Variants in PFKFB4 observed in about 807,000 individuals in gnomAD.
PFKFB4 encodes the protein 6-phosphofructo-2-kinase/fructose-2,6-biphosphatase 4, also known as 6-phosphofructo-2-kinase/fructose-2,6-bisphosphatase 4.
A neutral mutation model predicts 62.8 loss-of-function variants in PFKFB4; 42 were observed. That is an observed-to-expected ratio of 0.67 (90% CI 0.52 to 0.86). The LOEUF is 0.86. PFKFB4 is among the 40% of genes least tolerant of loss of function. The probability of loss-of-function intolerance (pLI) is 0.00; values close to 1 mark genes in which losing one functional copy is unlikely to be tolerated. For missense variants in PFKFB4, 475 were observed against 627.2 expected (o/e 0.76, Z 2.59); for synonymous variants, 204 against 240.7 (o/e 0.85, Z 1.41).
upstream of PFKFB4, chr3:48,557,032 G>C: frequency 8.1e-7 from 1 of 1,234,308 alleles, no homozygotes; most frequent in Non-Finnish European, 1.1e-6. Context: ...GGCCAGGATC[G>C]AGAATGCGCA....
intron 1 of PFKFB4, among the ~76,000 whole-genome samples, chr3:48,551,218 T>C (rs895296588): frequency 4.7e-5 from 7 of 149,676 alleles, no homozygotes; most frequent in African/African-American, 7.3e-5. Flanking sequence ...ACTTTTCTTT[T>C]TTTTTTTTTT....
rs3969942 is a variant in PFKFB4, at chr3:48,518,219, G to A, written c.*1528C>T. 11,048 of 152,456 alleles carry A rather than the reference G, an allele frequency of 0.072. 695 individuals are homozygous for A. Among genetic ancestry groups the A allele is most frequent in the African/African-American group, 0.16 (6,733 of 41,568 alleles). 9.4% of individuals were successfully genotyped at this position (152,456 alleles called of 1,614,324 possible). On this transcript the variant is annotated 3_prime_UTR_variant, in exon 14 of 14. Transcript: ENST00000232375. ...GATGAGTCTGGAAGGATCTTGCCCC[G>A]GCTCCGCCTTGGACATCTCTTAGCA...
chr3:48,528,764 T>A (rs1182441113), intron 9 of PFKFB4, among the ~76,000 whole-genome samples: 1 of 152,198 alleles, frequency 6.6e-6, no homozygotes, highest in African/African-American at 2.4e-5. Flanking sequence ...AACTGATGAA[T>A]GGATACATAA....
chr3:48,528,487 C>A (rs1326093470), intron 9 of PFKFB4, among the ~76,000 whole-genome samples: 1 of 152,028 alleles, frequency 6.6e-6, no homozygotes, highest in Admixed American at 6.6e-5. Context: ...CATGATGAAA[C>A]CCCATCTCTA....
At chr3:48,534,054 C>T (rs2042515285) in intron 9 of PFKFB4, among the ~76,000 whole-genome samples, 1 of 152,122 alleles carries the variant, frequency 6.6e-6, no homozygotes, top group Admixed American at 6.5e-5. Flanking sequence ...AATGAAATTC[C>T]TGGAGCTTCA....
chr3:48,536,980 G>T (rs2042641049), intron 7 of PFKFB4, among the ~76,000 whole-genome samples: 1 of 152,200 alleles, frequency 6.6e-6, no homozygotes, highest in Admixed American at 6.5e-5. Context: ...GGTCATCCAA[G>T]TGTGCTGAGC....
chr3:48,536,648 A>G, intron 7 of PFKFB4, 185 bp from the exon 8 acceptor site: 1 of 579,660 alleles, frequency 1.7e-6, no homozygotes, highest in East Asian at 2.8e-5. Flanking sequence ...AGTGCGTGTG[A>G]CGCACAGGCA....
intron 3 of PFKFB4, among the ~76,000 whole-genome samples, chr3:48,546,958 G>C (rs577714086): frequency 6.6e-6 from 1 of 152,176 alleles, no homozygotes; most frequent in African/African-American, 2.4e-5. Context: ...CTTGATGCTC[G>C]CTCCTGGTTT....
At chr3:48,535,483 G>A in intron 9 of PFKFB4, 29 bp downstream of exon 9, 3 of 1,586,272 alleles carry the variant, frequency 1.9e-6, no homozygotes, top group Non-Finnish European at 2.6e-6. Context: ...TATCTGGGAG[G>A]TAGACAGGGA....
At chr3:48,561,228 C>T, upstream of PFKFB4, 2 of 466,880 alleles carry the variant, frequency 4.3e-6, no homozygotes, top group South Asian at 2.1e-5. The surrounding 1 kb of genome is among the most constrained non-coding windows in gnomAD (Gnocchi z 5.2). Flanking sequence ...AGCCCCGCCT[C>T]CCCAGCCCAC....
At chr3:48,558,302 C>A (rs1402831324), upstream of PFKFB4, among the ~76,000 whole-genome samples, 1 of 152,174 alleles carries the variant, frequency 6.6e-6, no homozygotes, top group Non-Finnish European at 1.5e-5. Flanking sequence ...CTGCCCCAGC[C>A]CCCACCAACA....
At chr3:48,558,904 C>T (rs149984603), upstream of PFKFB4, among the ~76,000 whole-genome samples, 34 of 152,318 alleles carry the variant, frequency 2.2e-4, no homozygotes, top group African/African-American at 7.9e-4. Context: ...CTGCCAAGGC[C>T]ATCTTGGGGC....
In PFKFB4 at chr3:48,556,577, C is replaced by T; in HGVS notation, c.97+104G>A. ...CGGCAACCTCACCTGTCCCCGGTTC[C>T]CCATCTGTCTCCCGCCCCTTCTCCA... On this transcript the variant is annotated intron_variant, in intron 1 of 13. Coordinates refer to ENST00000232375, the MANE Select transcript of PFKFB4 (RefSeq NM_004567.4). This position sits in a 1 kb window ranked among gnomAD's most constrained non-coding sequence, Gnocchi z 5.7. 1.5e-6 allele frequency: 2 copies of T among 1,336,306 alleles called. No individual in the cohort carries two copies. The highest frequency in any genetic ancestry group is 2.0e-6 in the Non-Finnish European group (2 of 986,308). The allele number at this position is 1,336,306 out of a possible 1,614,324, so 82.8% of individuals were successfully genotyped here. A position where few individuals can be genotyped will look rare whatever the true frequency, so the allele number is the denominator to read the frequency against.
At chr3:48,560,036 C>T (rs939921765), upstream of PFKFB4, among the ~76,000 whole-genome samples, 5 of 152,086 alleles carry the variant, frequency 3.3e-5, no homozygotes, top group African/African-American at 9.7e-5. Flanking sequence ...GCGATCCTCC[C>T]GCCTCAACCT....
Position 48,521,161 on chromosome 3 carries a change from G to A in PFKFB4, c.1350+825C>T, listed in dbSNP as rs1334110303. Among the ~76,000 whole-genome samples, 2 of 152,212 alleles carry A rather than the reference G, an allele frequency of 1.3e-5. No homozygotes were observed. Among genetic ancestry groups the A allele is most frequent in the South Asian group, 2.1e-4 (1 of 4,834 alleles). On this transcript the variant is annotated intron_variant, in intron 13 of 13. Coordinates refer to ENST00000232375, the MANE Select transcript of PFKFB4 (RefSeq NM_004567.4). The surrounding 1 kb of genome is among the most constrained non-coding windows in gnomAD (Gnocchi z 5.3). ...CAGATGTCCTGGTCCAGCCCAAGAC[G>A]TGCATCCTCAGCAGGGACCCAGAGC...
At chr3:48,522,547 G>A (rs2042128727) in intron 12 of PFKFB4, among the ~76,000 whole-genome samples, 1 of 152,196 alleles carries the variant, frequency 6.6e-6, no homozygotes, top group Non-Finnish European at 1.5e-5. Context: ...AGACCTGAGA[G>A]ATGAAGAAGT....
intron 5 of PFKFB4, 96 bp downstream of exon 5, chr3:48,539,601 C>T: frequency 9.6e-7 from 1 of 1,040,486 alleles, no homozygotes; most frequent in Non-Finnish European, 1.5e-6. Flanking sequence ...CATGCCAGCC[C>T]CATGCCCCTC....
At chr3:48,557,943 G>A (rs2043370176), upstream of PFKFB4, among the ~76,000 whole-genome samples, 1 of 151,916 alleles carries the variant, frequency 6.6e-6, no homozygotes. Flanking sequence ...TTGATTTTTA[G>A]TATTTTGGTT....
chr3:48,522,005 G>A lies in PFKFB4; in HGVS notation c.1331C>T (p.Thr444Met), dbSNP rs375766878. 24 of 1,613,988 alleles carry A rather than the reference G, an allele frequency of 1.5e-5. No homozygotes were observed. The highest frequency in any genetic ancestry group is 1.2e-4 in the African/African-American group (9 of 74,922). ...TGCTACCTGAGGCCTGTCCCGGTGCGTGTTCACAGCAGCCACGTTCAGGAA... is the reference window on the plus strand; with the variant it reads ...TGCTACCTGAGGCCTGTCCCGGTGCATGTTCACAGCAGCCACGTTCAGGAA... The part of the protein sequence containing the change: ...SIFLNVAAVN[T>M]HRDRPQNVDI... The change falls in exon 13 of 14, where the codon ACG (threonine) becomes ATG (methionine). Residue 444 changes from threonine (T) to methionine (M), a missense_variant. Thr to Met is a moderately conservative substitution (Grantham distance 81, BLOSUM62 -1). Coordinates refer to ENST00000232375, the MANE Select transcript of PFKFB4 (RefSeq NM_004567.4).
Sources: allele counts gnomAD v4.1 joint callset (sites outside exome capture counted in the v4.1 genomes callset), GRCh38; gene constraint gnomAD v4.1.1; non-coding constraint Gnocchi (gnomAD v3.1); transcripts MANE v1.5; gene names NCBI Gene and HGNC (gene_info 2026-07-23, HGNC 2026-07-21).